PRDM5: variants seen among roughly 807,000 people sequenced by gnomAD.
The protein encoded by PRDM5 is PR/SET domain 5.
In PRDM5, 56 loss-of-function variants were observed where a neutral mutation model predicts 81.2. That is an observed-to-expected ratio of 0.69 (90% CI 0.56 to 0.86). The LOEUF (loss-of-function observed/expected upper bound fraction) is 0.86, where lower values mean the gene tolerates loss of function less well. Ranked by LOEUF, PRDM5 falls within the 40% of genes least tolerant of loss-of-function variation. The probability of loss-of-function intolerance (pLI) is 0.00; values close to 1 mark genes in which losing one functional copy is unlikely to be tolerated. For missense variants in PRDM5, 697 were observed against 770.1 expected (o/e 0.91, Z 1.12); for synonymous variants, 267 against 256.4 (o/e 1.04, Z -0.39).
At chr4:120,714,544 G>T (rs191884267) in intron 14 of PRDM5, among the ~76,000 whole-genome samples, 1 of 152,104 alleles carries the variant, frequency 6.6e-6, no homozygotes, top group East Asian at 1.9e-4. Flanking sequence ...CATAAGCAAC[G>T]CATGTTGTTT....
chr4:120,790,486 C>T (rs1312945579), intron 10 of PRDM5, among the ~76,000 whole-genome samples: 1 of 152,124 alleles, frequency 6.6e-6, no homozygotes, highest in Non-Finnish European at 1.5e-5. Flanking sequence ...ACTAGCTCCT[C>T]TAGTAGATAA....
At chr4:120,790,318 T>C (rs1035078918) in intron 10 of PRDM5, among the ~76,000 whole-genome samples, 1 of 152,216 alleles carries the variant, frequency 6.6e-6, no homozygotes, top group African/African-American at 2.4e-5. Flanking sequence ...ATGACAACCA[T>C]GTGGCTTCAC....
At chr4:120,838,966 CCAGGTGCCAGCA>C (rs1162772229) in intron 3 of PRDM5, 4 of 519,198 alleles carry the variant, frequency 7.7e-6, no homozygotes, top group Middle Eastern at 1.0e-3. Context: ...GTGGGCAGCT[CCAGGTGCCAGCA>C]CAGGTGCCAG....
intron 8 of PRDM5, among the ~76,000 whole-genome samples, chr4:120,806,194 A>G (rs1195725141): frequency 6.6e-6 from 1 of 152,198 alleles, no homozygotes; most frequent in Non-Finnish European, 1.5e-5. Flanking sequence ...CAGTGAAATA[A>G]AAGAGGACAC....
At chr4:120,781,607 G>A (rs1053566658) in intron 11 of PRDM5, among the ~76,000 whole-genome samples, 2 of 152,132 alleles carry the variant, frequency 1.3e-5, no homozygotes, top group African/African-American at 2.4e-5. Flanking sequence ...CGGGGGCTGG[G>A]ATTTGAGGTA....
Position 120,798,434 on chromosome 4 carries a change from A to T in PRDM5, c.1031-10T>A. ...TTATAGGGTCGTTTTTCTATTAAAA[A>T]AATGAGTGGAGACAATCTCATATCT... On this transcript the variant is annotated splice_polypyrimidine_tract_variant and intron_variant, in intron 9 of 15. Coordinates refer to ENST00000264808, the MANE Select transcript of PRDM5 (RefSeq NM_018699.4). The T allele has an allele frequency of 6.3e-7, 1 of 1,595,104 alleles. No homozygotes were observed. The highest frequency in any genetic ancestry group is 8.6e-7 in the Non-Finnish European group (1 of 1,163,148).
At chr4:120,710,682 C>T (rs1054451016) in intron 14 of PRDM5, among the ~76,000 whole-genome samples, 2 of 152,100 alleles carry the variant, frequency 1.3e-5, no homozygotes, top group Non-Finnish European at 2.9e-5. Context: ...TGAATTCTCA[C>T]AAGATCTGAT....
chr4:120,849,167 C>T (rs1183637434), intron 3 of PRDM5, among the ~76,000 whole-genome samples: 2 of 152,132 alleles, frequency 1.3e-5, no homozygotes, highest in African/African-American at 2.4e-5. Context: ...TTATTTGTTA[C>T]TCCTATGGAT....
At chr4:120,794,592 T>G (rs1243445828) in intron 10 of PRDM5, among the ~76,000 whole-genome samples, 1 of 151,086 alleles carries the variant, frequency 6.6e-6, no homozygotes, top group Non-Finnish European at 1.5e-5. Context: ...TATTATCTTA[T>G]TGAATGACCC....
At chr4:120,717,979 C>A (rs1436289493) in intron 14 of PRDM5, among the ~76,000 whole-genome samples, 2 of 152,058 alleles carry the variant, frequency 1.3e-5, no homozygotes, top group African/African-American at 4.8e-5. Context: ...GAAAGGGAAA[C>A]TTGTAGGCAA....
At chr4:120,860,430 A>G (rs1183379125) in intron 2 of PRDM5, among the ~76,000 whole-genome samples, 1 of 152,228 alleles carries the variant, frequency 6.6e-6, no homozygotes, top group Admixed American at 6.5e-5. Flanking sequence ...AAAATGAAAC[A>G]CATAGTGAAA....
chr4:120,781,702 G>A (rs766807262), intron 11 of PRDM5, among the ~76,000 whole-genome samples: 2 of 152,264 alleles, frequency 1.3e-5, no homozygotes, highest in South Asian at 2.1e-4. Context: ...ATCCCACCAC[G>A]GTCCCTATAA....
intron 2 of PRDM5, among the ~76,000 whole-genome samples, chr4:120,858,029 T>C (rs1937094885): frequency 6.6e-6 from 1 of 152,178 alleles, no homozygotes; most frequent in African/African-American, 2.4e-5. Flanking sequence ...ATTTAATGTA[T>C]GGTAAAATGT....
At chr4:120,746,138 A>T (rs1279499817) in intron 14 of PRDM5, among the ~76,000 whole-genome samples, 1 of 55,722 alleles carries the variant, frequency 1.8e-5, no homozygotes, top group African/African-American at 9.2e-5. Context: ...GCATATCTAC[A>T]ACTATCTGAT....
intron 15 of PRDM5, among the ~76,000 whole-genome samples, chr4:120,705,040 G>C (rs1405496493): frequency 6.6e-6 from 1 of 152,144 alleles, no homozygotes; most frequent in Non-Finnish European, 1.5e-5. Context: ...TAAGTGGTGG[G>C]AATTCACTAA....
chr4:120,697,399 A>G (rs1383889945), intron 15 of PRDM5, among the ~76,000 whole-genome samples: 2 of 152,236 alleles, frequency 1.3e-5, no homozygotes, highest in African/African-American at 4.8e-5. Flanking sequence ...GCTCATACAG[A>G]ATCATATATA....
intron 15 of PRDM5, among the ~76,000 whole-genome samples, chr4:120,706,758 TTA>T (rs10608924): frequency 0.33 from 47,125 of 143,754 alleles, 8,275 homozygotes; most frequent in East Asian, 0.68. Flanking sequence ...TATATAAATT[TTA>T]TATATATATA....
chr4:120,706,053 T>G (rs1275345580), intron 15 of PRDM5, among the ~76,000 whole-genome samples: 2 of 151,506 alleles, frequency 1.3e-5, no homozygotes, highest in African/African-American at 4.8e-5. Flanking sequence ...CATGGTAAAC[T>G]GCTCAGAAAG....
chr4:120,746,034 A>G (rs893126887), intron 14 of PRDM5, among the ~76,000 whole-genome samples: 3 of 146,718 alleles, frequency 2.0e-5, no homozygotes, highest in African/African-American at 7.8e-5. Flanking sequence ...TTCAAACTAT[A>G]CTACAAGGCT....
Sources: allele counts gnomAD v4.1 joint callset (sites outside exome capture counted in the v4.1 genomes callset), GRCh38; gene constraint gnomAD v4.1.1; transcripts MANE v1.5; gene names NCBI Gene and HGNC (gene_info 2026-07-23, HGNC 2026-07-21).